Variants in GTF2E2 observed in about 807,000 individuals in gnomAD.
GTF2E2 encodes the protein transcription initiation factor IIE subunit beta.
Under a neutral mutation model 40.5 loss-of-function variants are expected in GTF2E2, and 21 were observed. That is an observed-to-expected ratio of 0.52 (90% confidence interval 0.37 to 0.75). GTF2E2 has a LOEUF of 0.75. Ranked by LOEUF, GTF2E2 falls within the 30% of genes least tolerant of loss-of-function variation. The pLI is 0.00. For missense variants in GTF2E2, 298 were observed against 338.4 expected, an observed-to-expected ratio of 0.88 and a Z score of 0.94; for synonymous variants, 117 against 121.6, an observed-to-expected ratio of 0.96 and a Z score of 0.25.
At position 30,633,727 on chromosome 8, in the gene GTF2E2, G is replaced by A. The variant is rs1256763806; in HGVS notation, c.258+1305C>T. Among the ~76,000 whole-genome samples the A allele has an allele frequency of 3.3e-5, 5 of 152,226 alleles. No individual in the cohort carries two copies. The East Asian group carries it at 9.7e-4, about 29-fold the overall frequency. ...AGCCCTGAGGGTGGCATTTTTTTCT[G>A]GGTATTCCCACCATTAGTGCCCTAA... On this transcript the variant is annotated intron_variant, in intron 3 of 7. Coordinates refer to ENST00000355904, the MANE Select transcript of GTF2E2 (RefSeq NM_002095.6).
intron 3 of GTF2E2, among the ~76,000 whole-genome samples, chr8:30,620,861 G>A (rs370781720): frequency 2.0e-5 from 3 of 151,854 alleles, no homozygotes; most frequent in Non-Finnish European, 4.4e-5. Flanking sequence ...CCCAGCAGAC[G>A]GAGGTTGCAA....
intron 4 of GTF2E2, among the ~76,000 whole-genome samples, chr8:30,613,746 A>T (rs1353144948): frequency 6.6e-6 from 1 of 152,216 alleles, no homozygotes; most frequent in Non-Finnish European, 1.5e-5. Context: ...GTATGTTAGG[A>T]ATTTTACATT....
chr8:30,622,870 G>C (rs1235759017), intron 3 of GTF2E2, among the ~76,000 whole-genome samples: 1 of 152,076 alleles, frequency 6.6e-6, no homozygotes, highest in Non-Finnish European at 1.5e-5. Flanking sequence ...CTTATTCCCT[G>C]AACATTGCTG....
At chr8:30,627,519 G>C (rs1409159610) in intron 3 of GTF2E2, among the ~76,000 whole-genome samples, 1 of 149,886 alleles carries the variant, frequency 6.7e-6, no homozygotes. Context: ...AAAAATCCTC[G>C]GAAATGAAAT....
chr8:30,615,933 A>G (rs1258682858), intron 3 of GTF2E2, among the ~76,000 whole-genome samples: 1 of 152,236 alleles, frequency 6.6e-6, no homozygotes, highest in Non-Finnish European at 1.5e-5. Flanking sequence ...GATGTCCTTC[A>G]GTAGGTGAGT....
intron 6 of GTF2E2, among the ~76,000 whole-genome samples, chr8:30,592,563 T>C (rs1413269982): frequency 6.6e-6 from 1 of 152,196 alleles, no homozygotes; most frequent in Admixed American, 6.5e-5. Context: ...TGCTCAAGTC[T>C]CTGATATCAA....
At chr8:30,636,092 A>T (rs1004504504) in intron 2 of GTF2E2, among the ~76,000 whole-genome samples, 5 of 152,284 alleles carry the variant, frequency 3.3e-5, no homozygotes, top group Middle Eastern at 3.4e-3. Flanking sequence ...TGTACAAAAG[A>T]TCATTTGTTT....
At chr8:30,653,361 T>C in intron 2 of GTF2E2, 72 bp downstream of exon 2, 1 of 1,118,310 alleles carries the variant, frequency 8.9e-7, no homozygotes, top group Non-Finnish European at 1.3e-6. Context: ...AAAAATGAAC[T>C]AGCCATAACT....
intron 1 of GTF2E2, among the ~76,000 whole-genome samples, chr8:30,655,834 G>C (rs997722263): frequency 7.2e-5 from 11 of 151,792 alleles, no homozygotes; most frequent in Admixed American, 2.0e-4. Flanking sequence ...TTGAGACAGA[G>C]TCTCGCTCTG....
chr8:30,624,852 T>C (rs1801219431), intron 3 of GTF2E2, among the ~76,000 whole-genome samples: 1 of 152,050 alleles, frequency 6.6e-6, no homozygotes, highest in South Asian at 2.1e-4. Context: ...TTTTGCACAT[T>C]GATTTTGTAT....
intron 6 of GTF2E2, among the ~76,000 whole-genome samples, chr8:30,585,423 A>C (rs537765339): frequency 6.6e-6 from 1 of 152,294 alleles, no homozygotes; most frequent in South Asian, 2.1e-4. Context: ...AAGTGATCTC[A>C]TTTATGTAAA....
chr8:30,654,630 C>G (rs1249753858), intron 1 of GTF2E2, among the ~76,000 whole-genome samples: 1 of 152,136 alleles, frequency 6.6e-6, no homozygotes, highest in African/African-American at 2.4e-5. Context: ...GTCTTGAACT[C>G]CTGGCCTCAA....
At chr8:30,579,152 TCTC>T in intron 7 of GTF2E2, 115 bp from the exon 8 acceptor site, 1 of 695,218 alleles carries the variant, frequency 1.4e-6, no homozygotes, top group South Asian at 1.6e-5. Flanking sequence ...TTCGGACCCT[TCTC>T]CTGCTCTGCC....
At chr8:30,586,389 G>C (rs952239216) in intron 6 of GTF2E2, among the ~76,000 whole-genome samples, 3 of 152,112 alleles carry the variant, frequency 2.0e-5, no homozygotes, top group African/African-American at 7.2e-5. Context: ...TGGTGACTAA[G>C]AATCTTGAGA....
At chr8:30,602,890 G>T (rs1321747277) in intron 6 of GTF2E2, among the ~76,000 whole-genome samples, 2 of 152,042 alleles carry the variant, frequency 1.3e-5, no homozygotes, top group Admixed American at 1.3e-4. Flanking sequence ...TCCCACACGT[G>T]GACACTATTC....
intron 3 of GTF2E2, among the ~76,000 whole-genome samples, chr8:30,631,650 A>G (rs1801440815): frequency 6.6e-6 from 1 of 152,224 alleles, no homozygotes; most frequent in Non-Finnish European, 1.5e-5. Flanking sequence ...AAAATAAGAT[A>G]TGCTAGCTGT....
intron 3 of GTF2E2, among the ~76,000 whole-genome samples, chr8:30,633,318 A>G (rs767222285): frequency 3.3e-5 from 5 of 152,206 alleles, no homozygotes; most frequent in Admixed American, 6.5e-5. Flanking sequence ...CAAAGAAAAA[A>G]TAATTAAAAT....
At chr8:30,634,392 G>A (rs892731310) in intron 3 of GTF2E2, among the ~76,000 whole-genome samples, 6 of 151,954 alleles carry the variant, frequency 3.9e-5, no homozygotes, top group African/African-American at 1.5e-4. Context: ...AGGCTGCAGT[G>A]AGCTACGATC....
intron 5 of GTF2E2, among the ~76,000 whole-genome samples, chr8:30,610,222 G>C (rs1047969993): frequency 2.6e-5 from 4 of 152,126 alleles, no homozygotes; most frequent in Admixed American, 2.0e-4. Flanking sequence ...AGGGTGGGCA[G>C]ATCACTTGAG....
Sources: allele counts gnomAD v4.1 joint callset (sites outside exome capture counted in the v4.1 genomes callset), GRCh38; gene constraint gnomAD v4.1.1; transcripts MANE v1.5; gene names NCBI Gene and HGNC (gene_info 2026-07-23, HGNC 2026-07-21).